The following CFAP20DC variants were observed in gnomAD, a reference collection of about 807,000 sequenced individuals.
The protein encoded by CFAP20DC is CFAP20 domain containing, also known as protein CFAP20DC.
In CFAP20DC, 84 loss-of-function variants were observed where a neutral mutation model predicts 101.7. That is an observed-to-expected ratio of 0.83 (90% CI 0.69 to 0.99). CFAP20DC has a LOEUF of 0.99. Among genes scored for constraint, CFAP20DC ranks in the 50% least tolerant of loss-of-function variants. CFAP20DC has a pLI of 0.00. For synonymous variants in CFAP20DC, 359 were observed against 351.2 expected, an observed-to-expected ratio of 1.02 and a Z score of -0.25; for missense variants, 1,007 against 970.3, an observed-to-expected ratio of 1.04 and a Z score of -0.50.
chr3:58,879,714 A>G (rs898424250), intron 7 of CFAP20DC, among the ~76,000 whole-genome samples: 3 of 152,054 alleles, frequency 2.0e-5, no homozygotes, highest in African/African-American at 7.2e-5. Context: ...GTAAAAACTG[A>G]GTGATGTGAC....
chr3:58,883,631 C>G (rs1383981282), intron 7 of CFAP20DC, among the ~76,000 whole-genome samples: 2 of 152,104 alleles, frequency 1.3e-5, no homozygotes, highest in African/African-American at 4.8e-5. Flanking sequence ...CTACTTCTTC[C>G]TCCATACATG....
intron 14 of CFAP20DC, among the ~76,000 whole-genome samples, chr3:58,829,193 C>T (rs2076233246): frequency 6.6e-6 from 1 of 151,564 alleles, no homozygotes; most frequent in African/African-American, 2.4e-5. Flanking sequence ...ATTAGCTGGG[C>T]ATGGTGATGG....
intron 4 of CFAP20DC, among the ~76,000 whole-genome samples, chr3:59,005,714 T>G (rs1362411273): frequency 6.6e-6 from 1 of 152,184 alleles, no homozygotes; most frequent in South Asian, 2.1e-4. Flanking sequence ...TCATAAAAAT[T>G]TCAATATATT....
intron 3 of CFAP20DC, among the ~76,000 whole-genome samples, chr3:58,734,197 T>A (rs1269787135): frequency 6.6e-6 from 1 of 152,238 alleles, no homozygotes; most frequent in Non-Finnish European, 1.5e-5. Context: ...CTGCCATGAT[T>A]ATAAGTTTCA....
At chr3:58,765,186 A>G (rs1030222651) in intron 15 of CFAP20DC, among the ~76,000 whole-genome samples, 3 of 152,140 alleles carry the variant, frequency 2.0e-5, no homozygotes, top group Non-Finnish European at 4.4e-5. Flanking sequence ...TTGTCTAAAA[A>G]CAAGATTGTG....
rs1442058015 is a variant in CFAP20DC at position 58,864,742 on chromosome 3, C to T, written c.1259-850G>A. ...AAACAGGACAATTCACAGACTAAACCAAGCAGACTTTTCAAGTAATAGTAA... is the reference window on the plus strand; with the variant it reads ...AAACAGGACAATTCACAGACTAAACTAAGCAGACTTTTCAAGTAATAGTAA... On this transcript the variant is annotated intron_variant, in intron 11 of 16. Transcript: ENST00000482387. The surrounding 1 kb of genome is among the most constrained non-coding windows in gnomAD (Gnocchi z 4.7). Among the ~76,000 whole-genome samples, 1 of 152,152 alleles carries T rather than the reference C, an allele frequency of 6.6e-6. No homozygotes were observed. Among genetic ancestry groups the T allele is most frequent in the African/African-American group, 2.4e-5 (1 of 41,424 alleles).
At chr3:58,853,402 G>A (rs1036979772) in intron 12 of CFAP20DC, among the ~76,000 whole-genome samples, 5 of 152,044 alleles carry the variant, frequency 3.3e-5, no homozygotes, top group African/African-American at 1.2e-4. Flanking sequence ...TTCTACCAGA[G>A]GTACAAGGAA....
At chr3:58,827,362 C>T (rs1424960731) in intron 14 of CFAP20DC, among the ~76,000 whole-genome samples, 1 of 141,010 alleles carries the variant, frequency 7.1e-6, no homozygotes, top group Admixed American at 7.9e-5. Context: ...CATGGCTCAC[C>T]AACTGACAGC....
At chr3:58,720,419 A>T (rs2067455400) in intron 3 of CFAP20DC, among the ~76,000 whole-genome samples, 1 of 152,216 alleles carries the variant, frequency 6.6e-6, no homozygotes, top group South Asian at 2.1e-4. Flanking sequence ...TTGATATAAC[A>T]TGGTGACTCT....
Position 58,913,941 on chromosome 3 carries a change from T to C in CFAP20DC, c.394-77A>G. 1 of 1,473,048 alleles carries C rather than the reference T, an allele frequency of 6.8e-7. No individual in the cohort carries two copies. Among genetic ancestry groups the C allele is most frequent in the East Asian group, 2.3e-5 (1 of 43,704 alleles). 91.2% of individuals were successfully genotyped at this position (1,473,048 alleles called of 1,614,324 possible). On this transcript the variant is annotated intron_variant, in intron 5 of 16. Coordinates refer to ENST00000482387, the MANE Select transcript of CFAP20DC (RefSeq NM_001394063.1). This position sits in a 1 kb window ranked among gnomAD's most constrained non-coding sequence, Gnocchi z 4.4. ...TGAACAAACCATCTATATGTAGACA[T>C]TCAAAGAGTTGAGGCAGTTATCCTG... is the stretch of plus-strand genomic sequence containing the variant.
intron 14 of CFAP20DC, among the ~76,000 whole-genome samples, chr3:58,826,255 T>C (rs2076029566): frequency 6.6e-6 from 1 of 152,220 alleles, no homozygotes. Context: ...AAAGCAAAGC[T>C]GATGTTTATT....
At chr3:58,983,492 T>C (rs1467917636) in intron 4 of CFAP20DC, among the ~76,000 whole-genome samples, 1 of 152,194 alleles carries the variant, frequency 6.6e-6, no homozygotes, top group Non-Finnish European at 1.5e-5. Context: ...CAGTTTTATA[T>C]ATTTTCTATT....
intron 3 of CFAP20DC, among the ~76,000 whole-genome samples, chr3:59,042,431 A>G (rs571622863): frequency 1.3e-5 from 2 of 152,126 alleles, no homozygotes; most frequent in South Asian, 2.1e-4. Context: ...CTGAATGTCT[A>G]TTCTCGGGGG....
chr3:58,818,264 T>C (rs1007768957), intron 14 of CFAP20DC, among the ~76,000 whole-genome samples: 24 of 150,506 alleles, frequency 1.6e-4, no homozygotes, highest in Admixed American at 1.1e-3. Context: ...AACATCATAA[T>C]GACAGGATCA....
intron 16 of CFAP20DC, among the ~76,000 whole-genome samples, chr3:58,747,855 T>C (rs1209528879): frequency 6.6e-6 from 1 of 152,166 alleles, no homozygotes; most frequent in African/African-American, 2.4e-5. Context: ...AGCAAACATG[T>C]ACCCTCAAAT....
chr3:58,862,646 T>A, intron 12 of CFAP20DC: 7 of 985,126 alleles, frequency 7.1e-6, no homozygotes, highest in Non-Finnish European at 8.4e-6. Context: ...TGTGCCTCAC[T>A]GTCCAAAAAG....
intron 13 of CFAP20DC, among the ~76,000 whole-genome samples, chr3:58,833,371 G>T (rs1275695667): frequency 6.6e-6 from 1 of 151,904 alleles, no homozygotes; most frequent in Non-Finnish European, 1.5e-5. Context: ...ACAAGAAGAA[G>T]AATAAAATGT....
At chr3:58,992,856 A>G (rs2092987243) in intron 4 of CFAP20DC, among the ~76,000 whole-genome samples, 1 of 152,230 alleles carries the variant, frequency 6.6e-6, no homozygotes, top group South Asian at 2.1e-4. Context: ...AAAAAAGGGG[A>G]AAGCTTATTT....
chr3:58,812,210 T>C (rs1223277640), intron 14 of CFAP20DC, among the ~76,000 whole-genome samples: 1 of 152,136 alleles, frequency 6.6e-6, no homozygotes, highest in Admixed American at 6.6e-5. Context: ...ACTGGGTATA[T>C]ACCCAAAGGA....
Sources: allele counts gnomAD v4.1 joint callset (sites outside exome capture counted in the v4.1 genomes callset), GRCh38; gene constraint gnomAD v4.1.1; non-coding constraint Gnocchi (gnomAD v3.1); transcripts MANE v1.5; gene names NCBI Gene and HGNC (gene_info 2026-07-23, HGNC 2026-07-21).